Variants in LYPD2 observed in about 807,000 individuals in gnomAD.
The protein encoded by LYPD2 is ly6/PLAUR domain-containing protein 2.
A neutral mutation model predicts 7.1 loss-of-function variants in LYPD2; 5 were observed. The observed-to-expected ratio is 0.70, with a 90% CI of 0.37 to 1.48. The LOEUF is 1.48. Among genes scored for constraint, LYPD2 ranks in the 40% most tolerant of loss-of-function variants. The pLI is 0.03. For synonymous variants in LYPD2, 78 were observed against 82.0 expected, an observed-to-expected ratio of 0.95 and a Z score of 0.26; for missense variants, 177 against 171.0, an observed-to-expected ratio of 1.04 and a Z score of -0.20.
intron 1 of LYPD2, 117 bp downstream of exon 1, chr8:142,752,277 G>T: frequency 8.5e-7 from 1 of 1,178,482 alleles, no homozygotes; most frequent in Non-Finnish European, 1.2e-6. Flanking sequence ...CGGCCCCACA[G>T]CTCTGGCTTC....
At chr8:142,750,515 C>A (rs1814679679) in intron 2 of LYPD2, 33 bp from the exon 3 acceptor site, 9 of 1,551,140 alleles carry the variant, frequency 5.8e-6, no homozygotes, top group Non-Finnish European at 7.9e-6. Context: ...GCCGTCAGGG[C>A]TGGTCACTGC....
Position 142,750,312 on chromosome 8 carries a change from G to T in LYPD2, c.349C>A (p.Leu117Ile). 1 of 1,553,256 alleles carries T rather than the reference G, an allele frequency of 6.4e-7. No individual in the cohort carries two copies. The highest frequency in any genetic ancestry group is 1.2e-5 in the South Asian group (1 of 84,138). The change falls in exon 3 of 3, where the codon CTC (leucine) becomes ATC (isoleucine). Residue 117 changes from leucine (L) to isoleucine (I), a missense_variant. Coordinates refer to ENST00000359228, the MANE Select transcript of LYPD2 (RefSeq NM_205545.3). Reference protein sequence around the residue: ...LNSLHCGALTLLPLLSLRL With the variant: ...LNSLHCGALTILPLLSLRL ...AGTCGGAGGCTCAAGAGTGGGAGGA[G>T]CGTGAGGGCCCCGCAGTGGAGGCTG... is the stretch of plus-strand genomic sequence containing the variant.
At position 142,750,219 on chromosome 8, in the gene LYPD2, A is replaced by AG; in HGVS notation, c.*63dup. On this transcript the variant is annotated 3_prime_UTR_variant, in exon 3 of 3. Coordinates refer to ENST00000359228, the MANE Select transcript of LYPD2 (RefSeq NM_205545.3). ...AAAGGAGACTCAGGAGTCCTGGTGC[A>AG]GGGGGCACTTCTTCAAGGCATTCGG... 1.5e-6 allele frequency: 2 copies of AG among 1,376,006 alleles called. No individual in the cohort carries two copies. Among genetic ancestry groups the AG allele is most frequent in the Non-Finnish European group, 2.0e-6 (2 of 1,009,430 alleles). 85.2% of individuals were successfully genotyped at this position (1,376,006 alleles called of 1,614,324 possible). A position where few individuals can be genotyped will look rare whatever the true frequency, so the allele number is the denominator to read the frequency against.
chr8:142,752,500 G>A lies in LYPD2; in HGVS notation c.-49C>T. 1.2e-6 allele frequency: 2 copies of A among 1,603,616 alleles called. No homozygotes were observed. Among genetic ancestry groups the A allele is most frequent in the Non-Finnish European group, 1.7e-6 (2 of 1,172,534 alleles). On this transcript the variant is annotated 5_prime_UTR_variant, in exon 1 of 3. Coordinates refer to ENST00000359228, the MANE Select transcript of LYPD2 (RefSeq NM_205545.3). Reference sequence around the variant, plus strand: ...TCTCACCCCAGGCTTGCCTGGCGGGGACAGCAGACACCAAGTGAGGTGGCG... The same window carrying A: ...TCTCACCCCAGGCTTGCCTGGCGGGAACAGCAGACACCAAGTGAGGTGGCG...
At chr8:142,752,158 G>A (rs1293081780) in intron 1 of LYPD2, among the ~76,000 whole-genome samples, 1 of 151,966 alleles carries the variant, frequency 6.6e-6, no homozygotes, top group Admixed American at 6.5e-5. Context: ...CTGGGCCCCC[G>A]CCCACCTCGA....
chr8:142,751,233 G>A, intron 1 of LYPD2, 63 bp from the exon 2 acceptor site: 1 of 1,596,630 alleles, frequency 6.3e-7, no homozygotes, highest in Non-Finnish European at 8.5e-7. Context: ...GAGACAGTCT[G>A]TCCTGGAAGC....
Position 142,750,465 on chromosome 8 carries a change from C to G in LYPD2, c.196G>C (p.Asp66His), listed in dbSNP as rs909927201. The G allele has an allele frequency of 6.3e-7, 1 of 1,585,758 alleles. No individual in the cohort carries two copies. Among genetic ancestry groups the G allele is most frequent in the Non-Finnish European group, 8.6e-7 (1 of 1,165,812 alleles). ...GCACAGGACTTGGTCACCGTGGAGT[C>G]CCCCTGGAAGGGGTACACTGTGGGG... ...SREIVYPFQG[D>H]STVTKSCASK... The change falls in exon 3 of 3, where the codon GAC becomes CAC. Residue 66 changes from aspartate (D) to histidine (H), a missense_variant. Asp to His is a moderately conservative substitution (Grantham distance 81). Coordinates refer to ENST00000359228, the MANE Select transcript of LYPD2 (RefSeq NM_205545.3).
chr8:142,751,356 C>A (rs997914470), intron 1 of LYPD2, among the ~76,000 whole-genome samples, 186 bp from the exon 2 acceptor site: 5 of 152,220 alleles, frequency 3.3e-5, no homozygotes, highest in African/African-American at 1.2e-4. Flanking sequence ...AGCCTCGGAA[C>A]CTTGCATCCC....
In LYPD2 at chr8:142,750,514, G is replaced by A. The variant is rs374525246; in HGVS notation, c.179-32C>T. On this transcript the variant is annotated intron_variant, in intron 2 of 2. Coordinates refer to ENST00000359228, the MANE Select transcript of LYPD2 (RefSeq NM_205545.3). ...GGTGTGGGAAGAGTCAGCCGTCAGG[G>A]CTGGTCACTGCCTCCAAGCCCTGGT... is the stretch of plus-strand genomic sequence containing the variant. The A allele has an allele frequency of 3.0e-5, 47 of 1,550,370 alleles. No individual in the cohort carries two copies. In the Admixed American group the frequency reaches 3.3e-4, roughly 11 times the overall value.
intron 2 of LYPD2, 75 bp downstream of exon 2, chr8:142,750,976 G>A: frequency 1.3e-6 from 2 of 1,599,472 alleles, no homozygotes; most frequent in Non-Finnish European, 1.7e-6. Flanking sequence ...CCTATCTCCT[G>A]GGAGTAGAGT....
In LYPD2 at chr8:142,750,364, G is replaced by A; in HGVS notation, c.297C>T (p.Cys99=). Residue 99 remains cysteine, a synonymous_variant, in exon 3 of 3, where the codon TGC becomes TGT. Coordinates refer to ENST00000359228, the MANE Select transcript of LYPD2 (RefSeq NM_205545.3). The stretch of plus-strand genomic sequence containing the variant: ...TCAGAGCGGGCGCCCCGTCTACATT[G>A]CACAGCTCAGTATTGCAGCAGGACA... ...LPVSCCNTEL[C]NVDGAPALNS... is the part of the protein sequence containing the mutation. 1 of 1,565,354 alleles carries A rather than the reference G, an allele frequency of 6.4e-7. No individual in the cohort carries two copies. Among genetic ancestry groups the A allele is most frequent in the Non-Finnish European group, 8.7e-7 (1 of 1,154,956 alleles).
rs1361516395 is a variant in LYPD2, at chr8:142,752,525, G to A, written c.-74C>T. ...GACAGCAGACACCAAGTGAGGTGGC[G>A]ACAGACTGGTCTGCTGAGCGGATTA... is the stretch of plus-strand genomic sequence containing the variant. On this transcript the variant is annotated 5_prime_UTR_variant, in exon 1 of 3. Coordinates refer to ENST00000359228, the MANE Select transcript of LYPD2 (RefSeq NM_205545.3). 3.2e-5 allele frequency: 50 copies of A among 1,559,860 alleles called. No individual in the cohort carries two copies. Among genetic ancestry groups the A allele is most frequent in the African/African-American group, 1.1e-4 (8 of 73,792 alleles).
At chr8:142,751,811 G>A (rs926549762) in intron 1 of LYPD2, among the ~76,000 whole-genome samples, 23 of 152,172 alleles carry the variant, frequency 1.5e-4, no homozygotes, top group Admixed American at 3.3e-4. Flanking sequence ...AGCTAGGCCC[G>A]ACTCCTCTGT....
chr8:142,750,198 G>T lies in LYPD2; in HGVS notation c.*85C>A. On this transcript the variant is annotated 3_prime_UTR_variant, in exon 3 of 3. Transcript: ENST00000359228. ...GCAGGGCAGGTCTGTGCCCAGAAAG[G>T]AGACTCAGGAGTCCTGGTGCAGGGG... 8.2e-7 allele frequency: 1 copy of T among 1,213,410 alleles called. No individual in the cohort carries two copies. The highest frequency in any genetic ancestry group is 1.4e-5 in the South Asian group (1 of 71,046). 75.2% of individuals were successfully genotyped at this position (1,213,410 alleles called of 1,614,324 possible).
intron 1 of LYPD2, among the ~76,000 whole-genome samples, chr8:142,751,860 T>C (rs1430877142): frequency 1.3e-5 from 2 of 152,178 alleles, no homozygotes; most frequent in African/African-American, 4.8e-5. Context: ...TGCCCCTCTC[T>C]GGTGCACCTG....
chr8:142,750,222 G>T lies in LYPD2; in HGVS notation c.*61C>A. The T allele has an allele frequency of 7.0e-7, 1 of 1,426,948 alleles. No individual in the cohort carries two copies. Among genetic ancestry groups the T allele is most frequent in the Non-Finnish European group, 9.6e-7 (1 of 1,042,962 alleles). 88.4% of individuals were successfully genotyped at this position (1,426,948 alleles called of 1,614,324 possible). ...GGAGACTCAGGAGTCCTGGTGCAGG[G>T]GGCACTTCTTCAAGGCATTCGGGGC... On this transcript the variant is annotated 3_prime_UTR_variant, in exon 3 of 3. Coordinates refer to ENST00000359228, the MANE Select transcript of LYPD2 (RefSeq NM_205545.3).
In LYPD2 at chr8:142,750,496, G is replaced by A; in HGVS notation, c.179-14C>T. On this transcript the variant is annotated splice_polypyrimidine_tract_variant and intron_variant, in intron 2 of 2. Coordinates refer to ENST00000359228, the MANE Select transcript of LYPD2 (RefSeq NM_205545.3). Reference sequence around the variant, plus strand: ...GGAAGGGGTACACTGTGGGGTGTGGGAAGAGTCAGCCGTCAGGGCTGGTCA... The same window carrying A: ...GGAAGGGGTACACTGTGGGGTGTGGAAAGAGTCAGCCGTCAGGGCTGGTCA... 6.4e-7 allele frequency: 1 copy of A among 1,568,690 alleles called. No homozygotes were observed. The highest frequency in any genetic ancestry group is 8.6e-7 in the Non-Finnish European group (1 of 1,156,692).
At position 142,750,338 on chromosome 8, in the gene LYPD2, T is replaced by C. The variant is rs1587594770; in HGVS notation, c.323A>G (p.Asn108Ser). 2.6e-6 allele frequency: 4 copies of C among 1,556,680 alleles called. No individual in the cohort carries two copies. The highest frequency in any genetic ancestry group is 3.5e-6 in the Non-Finnish European group (4 of 1,150,188). The change falls in exon 3 of 3, where the codon AAC becomes AGC. Residue 108 changes from asparagine (N) to serine (S), a missense_variant. Asn to Ser is a conservative substitution (Grantham distance 46, BLOSUM62 1). Transcript: ENST00000359228. ...LCNVDGAPAL[N>S]SLHCGALTLL... is the part of the protein sequence containing the mutation. ...CGTGAGGGCCCCGCAGTGGAGGCTG[T>C]TCAGAGCGGGCGCCCCGTCTACATT...
intron 1 of LYPD2, 146 bp downstream of exon 1, chr8:142,752,248 G>A: frequency 1.2e-6 from 1 of 810,678 alleles, no homozygotes; most frequent in Non-Finnish European, 1.9e-6. Context: ...CCCTCCTTAT[G>A]GCGGGGGGGC....
Sources: allele counts gnomAD v4.1 joint callset (sites outside exome capture counted in the v4.1 genomes callset), GRCh38; gene constraint gnomAD v4.1.1; transcripts MANE v1.5; gene names NCBI Gene and HGNC (gene_info 2026-07-23, HGNC 2026-07-21).